INPP5A: variants seen among roughly 807,000 people sequenced by gnomAD.
The protein encoded by INPP5A is inositol polyphosphate-5-phosphatase A, also known as 43 kDa inositol polyphosphate 5-phophatase.
In INPP5A, 14 loss-of-function variants were observed where a neutral mutation model predicts 65.2. The observed-to-expected ratio is 0.21, with a 90% CI of 0.14 to 0.34. The LOEUF is 0.34. Ranked by LOEUF, INPP5A falls within the 10% of genes least tolerant of loss-of-function variation. The pLI, the probability that INPP5A is intolerant of heterozygous loss-of-function variation, is 1.00. For synonymous variants in INPP5A, 207 were observed against 208.3 expected (o/e 0.99, Z 0.05); for missense variants, 431 against 545.6 (o/e 0.79, Z 2.09).
chr10:132,579,511 A>G lies in INPP5A; in HGVS notation c.76-28404A>G, dbSNP rs564450621. Among the ~76,000 whole-genome samples, 6 of 152,202 alleles carry G rather than the reference A, an allele frequency of 3.9e-5. No individual in the cohort carries two copies. The East Asian group carries it at 5.8e-4, about 15-fold the overall frequency. ...CAAGGAGTGGACTCTGGGCATCCCAATGGTCTGTGTGAGGATGAACTGGGC... is the reference window on the plus strand; with the variant it reads ...CAAGGAGTGGACTCTGGGCATCCCAGTGGTCTGTGTGAGGATGAACTGGGC... On this transcript the variant is annotated intron_variant, in intron 1 of 15. Transcript: ENST00000368594.
chr10:132,612,756 GT>G (rs2071977296), intron 2 of INPP5A, among the ~76,000 whole-genome samples: 1 of 152,208 alleles, frequency 6.6e-6, no homozygotes, highest in Non-Finnish European at 1.5e-5. Flanking sequence ...CCTGGTTTGT[GT>G]TACATTTTGG....
intron 5 of INPP5A, 53 bp downstream of exon 5, chr10:132,690,508 G>C: frequency 7.3e-7 from 1 of 1,361,326 alleles, no homozygotes; most frequent in South Asian, 1.2e-5. Context: ...ACCCCTCCTG[G>C]TGTCTGGCTT....
intron 5 of INPP5A, among the ~76,000 whole-genome samples, chr10:132,693,576 CA>C (rs1279668027): frequency 6.6e-6 from 1 of 151,868 alleles, no homozygotes; most frequent in Non-Finnish European, 1.5e-5. Flanking sequence ...ATTAGAAAAG[CA>C]GAAAGATCTG....
chr10:132,677,901 C>A (rs962888570), intron 4 of INPP5A, among the ~76,000 whole-genome samples: 1 of 152,222 alleles, frequency 6.6e-6, no homozygotes, highest in African/African-American at 2.4e-5. Context: ...CTCTTTAATT[C>A]AGGAACAGAA....
At chr10:132,749,712 A>G (rs879144960) in intron 10 of INPP5A, 59 bp from the exon 11 acceptor site, 18 of 1,596,352 alleles carry the variant, frequency 1.1e-5, no homozygotes, top group Non-Finnish European at 1.5e-5. Flanking sequence ...GGTGGGGGCT[A>G]GGGGACACGC....
chr10:132,765,284 A>G (rs1846822642), intron 11 of INPP5A, among the ~76,000 whole-genome samples: 1 of 152,180 alleles, frequency 6.6e-6, no homozygotes. Context: ...TGTGAGAATG[A>G]ACATTTTGCC....
At chr10:132,757,692 C>T (rs1846650717) in intron 11 of INPP5A, among the ~76,000 whole-genome samples, 1 of 152,244 alleles carries the variant, frequency 6.6e-6, no homozygotes, top group Admixed American at 6.5e-5. Flanking sequence ...AGCAGAGAGG[C>T]TGGAAAGCCG....
intron 4 of INPP5A, among the ~76,000 whole-genome samples, chr10:132,667,060 G>A (rs1465310726): frequency 1.3e-5 from 2 of 152,176 alleles, no homozygotes; most frequent in South Asian, 2.1e-4. Flanking sequence ...GGGCAGACCC[G>A]CCAGTGTTGA....
chr10:132,765,857 T>C lies in INPP5A; in HGVS notation c.977+11T>C, dbSNP rs762878760. On this transcript the variant is annotated intron_variant, in intron 12 of 15. Coordinates refer to ENST00000368594, the MANE Select transcript of INPP5A (RefSeq NM_005539.5). The stretch of plus-strand genomic sequence containing the variant: ...CTCGTTCCCTCCCAGGTATGGAACA[T>C]GCTGTTTGCTGGATGAACCCGGCCG... The C allele has an allele frequency of 3.2e-6, 5 of 1,558,084 alleles. No individual in the cohort carries two copies. The highest frequency in any genetic ancestry group is 3.5e-6 in the Non-Finnish European group (4 of 1,128,844).
intron 4 of INPP5A, among the ~76,000 whole-genome samples, chr10:132,662,439 C>T (rs145710514): frequency 7.1e-4 from 108 of 152,254 alleles, no homozygotes; most frequent in African/African-American, 2.5e-3. Flanking sequence ...CTGTGTACAC[C>T]GTGGTGTGTC....
chr10:132,543,028 C>T (rs1226154935), intron 1 of INPP5A, among the ~76,000 whole-genome samples: 3 of 151,998 alleles, frequency 2.0e-5, no homozygotes, highest in Non-Finnish European at 4.4e-5. Flanking sequence ...AGACTGGGCT[C>T]AAACTCCTGG....
At chr10:132,734,296 C>T (rs1054817788) in intron 9 of INPP5A, among the ~76,000 whole-genome samples, 4 of 152,206 alleles carry the variant, frequency 2.6e-5, no homozygotes, top group African/African-American at 2.4e-5. Context: ...TGAGGCTGTG[C>T]GCTTCTCCTT....
At position 132,675,451 on chromosome 10, in the gene INPP5A, G is replaced by A. The variant is rs555052402; in HGVS notation, c.307-14941G>A. On this transcript the variant is annotated intron_variant, in intron 4 of 15. Coordinates refer to ENST00000368594, the MANE Select transcript of INPP5A (RefSeq NM_005539.5). This position sits in a 1 kb window ranked among gnomAD's most constrained non-coding sequence, Gnocchi z 4.2. ...GGAATGAGACTCAAGGCAGTTGGGG[G>A]AAGCGGGCAAATGGCCATGGGCATT... Among the ~76,000 whole-genome samples the A allele has an allele frequency of 1.1e-4, 17 of 152,376 alleles. No individual in the cohort carries two copies. Among genetic ancestry groups the A allele is most frequent in the Non-Finnish European group, 2.1e-4 (14 of 68,042 alleles).
Position 132,637,688 on chromosome 10 carries a change from C to T in INPP5A, c.118-8180C>T, listed in dbSNP as rs1181441365. Among the ~76,000 whole-genome samples, 8 of 152,144 alleles carry T rather than the reference C, an allele frequency of 5.3e-5. No individual in the cohort carries two copies. On this transcript the variant is annotated intron_variant, in intron 2 of 15. Coordinates refer to ENST00000368594, the MANE Select transcript of INPP5A (RefSeq NM_005539.5). This position sits in a 1 kb window ranked among gnomAD's most constrained non-coding sequence, Gnocchi z 4.1. ...ATGACTGTTCTGTGCTTTGCCTTTG[C>T]CGCCCCCGAGGTTGATGGGCGCTCT...
intron 5 of INPP5A, 37 bp downstream of exon 5, chr10:132,690,492 G>T (rs370018136): frequency 1.2e-5 from 18 of 1,487,040 alleles, no homozygotes; most frequent in Non-Finnish European, 1.6e-5. Context: ...TTTTGTCTCG[G>T]CACTCACCCC....
intron 2 of INPP5A, among the ~76,000 whole-genome samples, chr10:132,612,820 G>C (rs894040460): frequency 1.3e-5 from 2 of 152,222 alleles, no homozygotes; most frequent in African/African-American, 4.8e-5. Context: ...TTTTAAGATG[G>C]AGGCCTTGGG....
At chr10:132,721,606 T>A (rs1845882580) in intron 8 of INPP5A, among the ~76,000 whole-genome samples, 1 of 146,750 alleles carries the variant, frequency 6.8e-6, no homozygotes. Context: ...GGTACCTGGG[T>A]TCTGTCTGGG....
chr10:132,662,923 C>A (rs986244305), intron 4 of INPP5A, among the ~76,000 whole-genome samples: 1 of 152,214 alleles, frequency 6.6e-6, no homozygotes, highest in African/African-American at 2.4e-5. Context: ...AGGACTCATC[C>A]AGTTACACGT....
Position 132,753,648 on chromosome 10 carries a change from C to T in INPP5A, c.903+3803C>T, listed in dbSNP as rs1039335271. On this transcript the variant is annotated intron_variant, in intron 11 of 15. Transcript: ENST00000368594. The surrounding 1 kb of genome is among the most constrained non-coding windows in gnomAD (Gnocchi z 5.3). ...TTTGGAGAGATTAAATTTTCCTCGGCTGTCCCAGGGCCGGGCTTGGGAGTT... is the reference window on the plus strand; with the variant it reads ...TTTGGAGAGATTAAATTTTCCTCGGTTGTCCCAGGGCCGGGCTTGGGAGTT... 2 of 152,204 alleles carry T rather than the reference C, an allele frequency of 1.3e-5. No individual in the cohort carries two copies. Among genetic ancestry groups the T allele is most frequent in the Non-Finnish European group, 1.5e-5 (1 of 68,044 alleles). 9.4% of individuals were successfully genotyped at this position (152,204 alleles called of 1,614,324 possible).
Sources: allele counts gnomAD v4.1 joint callset (sites outside exome capture counted in the v4.1 genomes callset), GRCh38; gene constraint gnomAD v4.1.1; non-coding constraint Gnocchi (gnomAD v3.1); transcripts MANE v1.5; gene names NCBI Gene and HGNC (gene_info 2026-07-23, HGNC 2026-07-21).